WASHC5: variants seen among roughly 807,000 people sequenced by gnomAD.
WASHC5 encodes WASH complex subunit strumpellin.
A neutral mutation model predicts 150.4 loss-of-function variants in WASHC5; 101 were observed. The observed-to-expected ratio is 0.67, with a 90% confidence interval of 0.57 to 0.79. WASHC5 has a LOEUF of 0.79. Ranked by LOEUF, WASHC5 falls within the 30% of genes least tolerant of loss-of-function variation. The pLI is 0.00. For synonymous variants in WASHC5, 467 were observed against 491.2 expected, an observed-to-expected ratio of 0.95 and a Z score of 0.65; for missense variants, 1,195 against 1,396.3, an observed-to-expected ratio of 0.86 and a Z score of 2.30.
intron 16 of WASHC5, 101 bp downstream of exon 16, chr8:125,056,576 G>T: frequency 1.5e-6 from 2 of 1,307,404 alleles, no homozygotes; most frequent in South Asian, 1.2e-5. Flanking sequence ...AGTCAGAATT[G>T]GTCTGGTGGT....
chr8:125,083,382 G>C (rs1817328285), intron 2 of WASHC5, 124 bp from the exon 3 acceptor site: 1 of 844,414 alleles, frequency 1.2e-6, no homozygotes, highest in Admixed American at 2.5e-5. Flanking sequence ...CAGAGCAACA[G>C]AAAGTAGTGA....
intron 26 of WASHC5, among the ~76,000 whole-genome samples, chr8:125,033,856 A>G (rs942940667): frequency 6.6e-6 from 1 of 152,110 alleles, no homozygotes; most frequent in African/African-American, 2.4e-5. Flanking sequence ...CCTGGCAGAG[A>G]TTTCTTAGAC....
At chr8:125,047,184 CTG>C in intron 20 of WASHC5, 21 bp downstream of exon 20, 2 of 1,613,674 alleles carry the variant, frequency 1.2e-6, no homozygotes, top group Non-Finnish European at 8.5e-7. Context: ...ATTCAGGGCT[CTG>C]TAGAATTCAG....
chr8:125,090,348 T>G (rs1417859922), intron 1 of WASHC5, among the ~76,000 whole-genome samples: 1 of 152,210 alleles, frequency 6.6e-6, no homozygotes, highest in Non-Finnish European at 1.5e-5. Flanking sequence ...CTTTACAAAG[T>G]GTTAAGACTC....
At chr8:125,061,009 G>C in intron 12 of WASHC5, 73 bp downstream of exon 12, 2 of 800,764 alleles carry the variant, frequency 2.5e-6, no homozygotes, top group South Asian at 2.8e-5. Flanking sequence ...ATATTTACAG[G>C]AACAGACTGC....
Position 125,060,851 on chromosome 8 carries a change from T to C in WASHC5, c.1521+231A>G, listed in dbSNP as rs185925694. ...ATTTTTATAATTATGTTTCTAAGAT[T>C]ACATGTTTCCTCAAGTTACAATATC... On this transcript the variant is annotated intron_variant, in intron 12 of 28. Transcript: ENST00000318410. Among the ~76,000 whole-genome samples the C allele has an allele frequency of 3.4e-3, 514 of 152,336 alleles. 4 individuals carry two copies. Among genetic ancestry groups the C allele is most frequent in the Non-Finnish European group, 3.6e-3 (248 of 68,024 alleles).
chr8:125,072,416 T>A (rs898704668), intron 9 of WASHC5, among the ~76,000 whole-genome samples: 3 of 151,364 alleles, frequency 2.0e-5, no homozygotes, highest in Non-Finnish European at 4.4e-5. Flanking sequence ...CTCTGTCACT[T>A]AGGCTGCAGT....
intron 9 of WASHC5, among the ~76,000 whole-genome samples, chr8:125,070,479 G>A (rs1374741067): frequency 6.6e-6 from 1 of 152,202 alleles, no homozygotes; most frequent in Non-Finnish European, 1.5e-5. Context: ...CCGGCTTTCC[G>A]AACATAGACA....
At chr8:125,046,003 T>C (rs1816055742) in intron 20 of WASHC5, among the ~76,000 whole-genome samples, 1 of 152,246 alleles carries the variant, frequency 6.6e-6, no homozygotes, top group African/African-American at 2.4e-5. Flanking sequence ...TTATTTCTGC[T>C]AGAAATTTTG....
intron 17 of WASHC5, 103 bp from the exon 18 acceptor site, chr8:125,050,768 T>C (rs888014136): frequency 2.5e-6 from 2 of 805,642 alleles, no homozygotes; most frequent in Non-Finnish European, 4.3e-6. Context: ...GGCATTTTCC[T>C]ACCTCCTCAC....
chr8:125,076,326 G>GA (rs761752086), intron 7 of WASHC5, 22 bp downstream of exon 7: 3 of 1,611,392 alleles, frequency 1.9e-6, no homozygotes, highest in African/African-American at 2.7e-5. Context: ...TACTGTAGAG[G>GA]AAAAAAATTA....
chr8:125,055,376 T>C (rs562275864), intron 17 of WASHC5, among the ~76,000 whole-genome samples: 1 of 152,030 alleles, frequency 6.6e-6, no homozygotes, highest in African/African-American at 2.4e-5. Flanking sequence ...TGAGCCAAGA[T>C]TGCACCACTG....
At chr8:125,072,546 T>C (rs1216371793) in intron 9 of WASHC5, among the ~76,000 whole-genome samples, 1 of 151,970 alleles carries the variant, frequency 6.6e-6, no homozygotes, top group African/African-American at 2.4e-5. Context: ...GCTAATTTTT[T>C]TACTTTTTGT....
At chr8:125,040,116 C>A (rs1474439621) in intron 23 of WASHC5, among the ~76,000 whole-genome samples, 1 of 152,142 alleles carries the variant, frequency 6.6e-6, no homozygotes, top group Non-Finnish European at 1.5e-5. Context: ...GATTCCCATA[C>A]CCCAACCTAA....
rs780114764 is a variant in WASHC5 at position 125,059,207 on chromosome 8, CT to C, written c.1764+14del. The C allele has an allele frequency of 1.3e-6, 2 of 1,590,722 alleles. No homozygotes were observed. Among genetic ancestry groups the C allele is most frequent in the Non-Finnish European group, 1.7e-6 (2 of 1,159,054 alleles). On this transcript the variant is annotated intron_variant, in intron 14 of 28. Coordinates refer to ENST00000318410, the MANE Select transcript of WASHC5 (RefSeq NM_014846.4). ...TCTTTCCTAGCAACAGAGAATCTCACTGTTTTTTGCTTACCTTTAGGAAGGT... is the reference window on the plus strand; with the variant it reads ...TCTTTCCTAGCAACAGAGAATCTCACGTTTTTTGCTTACCTTTAGGAAGGT...
At chr8:125,042,675 C>T (rs1003882700) in intron 23 of WASHC5, among the ~76,000 whole-genome samples, 1 of 152,196 alleles carries the variant, frequency 6.6e-6, no homozygotes, top group African/African-American at 2.4e-5. Context: ...TTGGGACTCA[C>T]ACCTGTCCAA....
intron 15 of WASHC5, 50 bp downstream of exon 15, chr8:125,057,506 A>C: frequency 8.3e-7 from 1 of 1,210,624 alleles, no homozygotes; most frequent in Non-Finnish European, 1.2e-6. Context: ...TTTGTATTTA[A>C]AACAGCAGTT....
chr8:125,029,982 C>T (rs1053330610), intron 27 of WASHC5, among the ~76,000 whole-genome samples: 1 of 152,206 alleles, frequency 6.6e-6, no homozygotes, highest in Admixed American at 6.5e-5. Context: ...AATTCCCATG[C>T]GTCACAGGTT....
chr8:125,053,283 A>G (rs546285561), intron 17 of WASHC5, among the ~76,000 whole-genome samples: 1 of 152,238 alleles, frequency 6.6e-6, no homozygotes, highest in Admixed American at 6.5e-5. Context: ...AAAAGCCCTT[A>G]GTTGTTATTG....
Sources: allele counts gnomAD v4.1 joint callset (sites outside exome capture counted in the v4.1 genomes callset), GRCh38; gene constraint gnomAD v4.1.1; transcripts MANE v1.5; gene names NCBI Gene and HGNC (gene_info 2026-07-23, HGNC 2026-07-21).